The following PRKCB variants were observed in gnomAD, a reference collection of about 807,000 sequenced individuals.
PRKCB encodes the protein protein kinase C beta type.
A neutral mutation model predicts 81.5 loss-of-function variants in PRKCB; 13 were observed. That is an observed-to-expected ratio of 0.16 (90% CI 0.10 to 0.25). The LOEUF (loss-of-function observed/expected upper bound fraction) is 0.25, where lower values mean the gene tolerates loss of function less well. Ranked by LOEUF, PRKCB falls within the 10% of genes least tolerant of loss-of-function variation. The pLI is 1.00. For missense variants in PRKCB, 509 were observed against 875.7 expected, an observed-to-expected ratio of 0.58 and a Z score of 5.29; for synonymous variants, 335 against 321.4, an observed-to-expected ratio of 1.04 and a Z score of -0.45.
chr16:24,035,378 T>C, intron 4 of PRKCB, 41 bp from the exon 5 acceptor site: 1 of 1,600,814 alleles, frequency 6.2e-7, no homozygotes, highest in African/African-American at 1.3e-5. Context: ...GCCCCCAGCC[T>C]GGGCCAGCCT....
intron 9 of PRKCB, among the ~76,000 whole-genome samples, chr16:24,127,348 A>G (rs1339131959): frequency 6.6e-6 from 1 of 152,124 alleles, no homozygotes; most frequent in Non-Finnish European, 1.5e-5. Flanking sequence ...ATTCATCATT[A>G]AGATTATATT....
intron 3 of PRKCB, among the ~76,000 whole-genome samples, chr16:23,990,324 G>C (rs1335673621): frequency 6.6e-6 from 1 of 152,028 alleles, no homozygotes; most frequent in Non-Finnish European, 1.5e-5. Flanking sequence ...CAGGCATGGT[G>C]GTGGGCGCCT....
chr16:24,192,038 T>C lies in PRKCB; in HGVS notation c.1863+808T>C, dbSNP rs111445342. 8.0e-3 allele frequency among the ~76,000 whole-genome samples: 1,218 copies of C among 152,362 alleles called. 8 individuals are homozygous for C. The highest frequency in any genetic ancestry group is 0.014 in the Non-Finnish European group (940 of 68,038). On this transcript the variant is annotated intron_variant, in intron 16 of 16. Coordinates refer to ENST00000643927, the MANE Select transcript of PRKCB (RefSeq NM_002738.7). ...GTGACTCAATGATGGGTTGTAAAAC[T>C]ACTGACTGAGGCTGAAGAGTGAACA...
At chr16:23,992,149 C>G (rs1488051786) in intron 3 of PRKCB, among the ~76,000 whole-genome samples, 1 of 152,168 alleles carries the variant, frequency 6.6e-6, no homozygotes, top group African/African-American at 2.4e-5. Flanking sequence ...TCTTCCAGTG[C>G]CTTGATCTTG....
intron 5 of PRKCB, among the ~76,000 whole-genome samples, chr16:24,061,223 G>A (rs1965969336): frequency 6.6e-6 from 1 of 152,068 alleles, no homozygotes; most frequent in South Asian, 2.1e-4. Flanking sequence ...ACCACACCCA[G>A]CTAATTTTTG....
intron 5 of PRKCB, among the ~76,000 whole-genome samples, chr16:24,071,731 G>A (rs1468595428): frequency 6.6e-6 from 1 of 152,066 alleles, no homozygotes; most frequent in African/African-American, 2.4e-5. Flanking sequence ...ATGGAGGCAG[G>A]ATCTTACAGG....
intron 2 of PRKCB, among the ~76,000 whole-genome samples, chr16:23,917,355 G>T (rs1963756730): frequency 6.6e-6 from 1 of 152,194 alleles, no homozygotes; most frequent in African/African-American, 2.4e-5. Flanking sequence ...GGGATTACTG[G>T]CGTGAGCCAC....
chr16:23,892,573 C>T (rs1567304794), intron 2 of PRKCB, among the ~76,000 whole-genome samples: 1 of 152,174 alleles, frequency 6.6e-6, no homozygotes, highest in Non-Finnish European at 1.5e-5. Flanking sequence ...TAATTCAAAG[C>T]ACTTGCATTC....
chr16:23,898,991 A>G (rs1259005377), intron 2 of PRKCB, among the ~76,000 whole-genome samples: 1 of 152,188 alleles, frequency 6.6e-6, no homozygotes, highest in Non-Finnish European at 1.5e-5. Flanking sequence ...GGAAGTGTTT[A>G]AGAGACAGCC....
chr16:23,975,889 G>T (rs1161041097), intron 2 of PRKCB, among the ~76,000 whole-genome samples: 2 of 152,190 alleles, frequency 1.3e-5, no homozygotes, highest in Non-Finnish European at 2.9e-5. Context: ...AGTTGGTTTA[G>T]GAAAAGAGGC....
At chr16:24,073,612 G>C (rs976730227) in intron 5 of PRKCB, among the ~76,000 whole-genome samples, 1 of 152,204 alleles carries the variant, frequency 6.6e-6, no homozygotes, top group African/African-American at 2.4e-5. Context: ...TGGGATTACA[G>C]GTGTGAGCCA....
chr16:23,926,114 A>T (rs1963892956), intron 2 of PRKCB, among the ~76,000 whole-genome samples: 1 of 151,824 alleles, frequency 6.6e-6, no homozygotes, highest in Non-Finnish European at 1.5e-5. Context: ...GGCTCTATAA[A>T]AATTAAATTA....
chr16:23,848,522 G>A (rs778333276), intron 2 of PRKCB, among the ~76,000 whole-genome samples: 2 of 152,176 alleles, frequency 1.3e-5, no homozygotes, highest in Non-Finnish European at 2.9e-5. Context: ...TCTAACAATA[G>A]GGACATCTCT....
At chr16:23,951,724 CTT>C (rs113534021) in intron 2 of PRKCB, among the ~76,000 whole-genome samples, 1 of 145,316 alleles carries the variant, frequency 6.9e-6, no homozygotes, top group Admixed American at 6.9e-5. Flanking sequence ...GGTCCCCTGT[CTT>C]TTTTTTTTTA....
intron 5 of PRKCB, among the ~76,000 whole-genome samples, chr16:24,057,185 G>T (rs1965913132): frequency 6.6e-6 from 1 of 152,148 alleles, no homozygotes; most frequent in Admixed American, 6.6e-5. Context: ...TCTCTGGCAG[G>T]CACACTTTTG....
chr16:23,836,290 T>C lies in PRKCB; in HGVS notation c.115T>C (p.Phe39Leu). ...CGTGCATGAGGTCAAGAACCACAAA[T>C]TCACCGCCCGCTTCTTCAAGCAGCC... ...KNVHEVKNHK[F>L]TARFFKQPTF... Residue 39 changes from phenylalanine to leucine, a missense_variant, in exon 1 of 17, where the codon TTC (phenylalanine) becomes CTC (leucine). Physicochemically the swap from Phe to Leu is conservative, Grantham distance 22. Coordinates refer to ENST00000643927, the MANE Select transcript of PRKCB (RefSeq NM_002738.7). 1 of 1,604,840 alleles carries C rather than the reference T, an allele frequency of 6.2e-7. No homozygotes were observed. The highest frequency in any genetic ancestry group is 8.5e-7 in the Non-Finnish European group (1 of 1,175,970).
intron 6 of PRKCB, 71 bp from the exon 7 acceptor site, chr16:24,094,092 C>T: frequency 6.6e-7 from 1 of 1,523,684 alleles, no homozygotes; most frequent in Non-Finnish European, 8.9e-7. Flanking sequence ...AGGTCTTGTC[C>T]TCTTGTACAT....
At chr16:23,860,845 G>A (rs890078072) in intron 2 of PRKCB, among the ~76,000 whole-genome samples, 3 of 152,156 alleles carry the variant, frequency 2.0e-5, no homozygotes, top group Non-Finnish European at 2.9e-5. Flanking sequence ...GTCAGAGGTT[G>A]CAGTGAGCCA....
chr16:23,872,438 T>G (rs1175403260), intron 2 of PRKCB, among the ~76,000 whole-genome samples: 1 of 152,188 alleles, frequency 6.6e-6, no homozygotes. Flanking sequence ...GGAGGATCGC[T>G]TGAGCTCAGG....
Sources: gnomAD v4.1 joint callset for allele counts (sites outside exome capture counted in the v4.1 genomes callset) on GRCh38, gnomAD v4.1.1 for gene constraint, MANE v1.5 for transcripts, NCBI Gene and HGNC (gene_info 2026-07-23, HGNC 2026-07-21) for gene names.